Variants in MTUS2 observed in about 807,000 individuals in gnomAD.
MTUS2 encodes microtubule-associated tumor suppressor candidate 2.
Under a neutral mutation model 114.1 loss-of-function variants are expected in MTUS2, and 40 were observed. That is an observed-to-expected ratio of 0.35 (90% CI 0.27 to 0.46). MTUS2 has a LOEUF of 0.46. Among genes scored for constraint, MTUS2 ranks in the 20% least tolerant of loss-of-function variants. The pLI is 1.00. For synonymous variants in MTUS2, 688 were observed against 672.0 expected (o/e 1.02, Z -0.37); for missense variants, 1,679 against 1,705.4 (o/e 0.98, Z 0.27).
intron 6 of MTUS2, among the ~76,000 whole-genome samples, chr13:29,320,046 A>G (rs9578079): frequency 6.6e-6 from 1 of 151,944 alleles, no homozygotes; most frequent in Non-Finnish European, 1.5e-5. Context: ...GAACCTATCA[A>G]TGTTACCTTA....
rs1883132974 is a variant in MTUS2, at chr13:29,504,872, G to A, written c.*1666G>A. 4.3e-6 allele frequency: 1 copy of A among 232,596 alleles called. No homozygotes were observed. The highest frequency in any genetic ancestry group is 2.2e-5 in the African/African-American group (1 of 45,296). 14.4% of individuals were successfully genotyped at this position (232,596 alleles called of 1,614,324 possible). ...GGGGCCGGAGCCATGGAACGGGGAA[G>A]AAAACAGCCCGCGGACGGGGTCGGC... On this transcript the variant is annotated 3_prime_UTR_variant, in exon 16 of 16. Coordinates refer to ENST00000612955, the MANE Select transcript of MTUS2 (RefSeq NM_001033602.4).
intron 1 of MTUS2, among the ~76,000 whole-genome samples, chr13:28,823,252 C>G (rs533544155): frequency 6.6e-6 from 1 of 152,184 alleles, no homozygotes; most frequent in Non-Finnish European, 1.5e-5. Flanking sequence ...ACTCATTCCT[C>G]GAAAATATCC....
intron 5 of MTUS2, among the ~76,000 whole-genome samples, chr13:29,126,186 C>A (rs1300428542): frequency 1.3e-5 from 2 of 151,896 alleles, no homozygotes; most frequent in African/African-American, 4.9e-5. Context: ...CCCTTAACTC[C>A]TGCCCTTTAC....
intron 5 of MTUS2, among the ~76,000 whole-genome samples, chr13:29,221,187 C>T (rs1377021524): frequency 6.6e-6 from 1 of 152,200 alleles, no homozygotes; most frequent in Non-Finnish European, 1.5e-5. Flanking sequence ...GAGAAAATCC[C>T]TCAAAACGTG....
chr13:28,981,020 C>A (rs980917469), intron 2 of MTUS2, among the ~76,000 whole-genome samples: 1 of 152,182 alleles, frequency 6.6e-6, no homozygotes. Flanking sequence ...TAAGACTTTC[C>A]GATTTTTCTC....
Position 29,249,778 on chromosome 13 carries a change from G to A in MTUS2, c.2645-31926G>A, listed in dbSNP as rs9506125. Among the ~76,000 whole-genome samples, 1,057 of 152,054 alleles carry A rather than the reference G, an allele frequency of 7.0e-3. 9 individuals are homozygous for A. Among genetic ancestry groups the A allele is most frequent in the Non-Finnish European group, 0.011 (721 of 67,948 alleles). ...GGTTGCCTGTTCACTCTGATACTAG[G>A]ATTTCCTATTTAATAAATGGTTCTG... is the stretch of plus-strand genomic sequence containing the variant. On this transcript the variant is annotated intron_variant, in intron 5 of 15. Transcript: ENST00000612955.
At chr13:28,867,146 G>A (rs2138087511) in intron 2 of MTUS2, among the ~76,000 whole-genome samples, 1 of 152,278 alleles carries the variant, frequency 6.6e-6, no homozygotes, top group African/African-American at 2.4e-5. Flanking sequence ...CTAATCTTGT[G>A]CAAGAGAGTT....
intron 4 of MTUS2, among the ~76,000 whole-genome samples, chr13:29,049,518 G>A (rs1176929523): frequency 6.6e-6 from 1 of 152,198 alleles, no homozygotes; most frequent in Admixed American, 6.5e-5. Flanking sequence ...GGAATGTCGA[G>A]GACTGTTCTC....
chr13:29,344,470 C>T (rs376205675), intron 7 of MTUS2, among the ~76,000 whole-genome samples: 21 of 152,008 alleles, frequency 1.4e-4, no homozygotes, highest in Non-Finnish European at 2.5e-4. Context: ...ATAGCTACTC[C>T]GGCTCATTTT....
rs147668284 is a variant in MTUS2 at position 29,206,626 on chromosome 13, G to A, written c.2645-75078G>A. On this transcript the variant is annotated intron_variant, in intron 5 of 15. Transcript: ENST00000612955. ...GATCCAGTTTCATTCTTCTGCATGC[G>A]GCTTGCCAGTTATCTCAGCACCATT... Among the ~76,000 whole-genome samples the A allele has an allele frequency of 2.0e-4, 31 of 152,112 alleles. No homozygotes were observed. In the East Asian group the frequency reaches 5.0e-3, roughly 25 times the overall value.
intron 8 of MTUS2, among the ~76,000 whole-genome samples, chr13:29,387,388 A>G (rs1872698239): frequency 6.6e-6 from 1 of 152,164 alleles, no homozygotes; most frequent in Non-Finnish European, 1.5e-5. Flanking sequence ...CCTAAGCAGG[A>G]AGGATGGAGA....
At chr13:29,102,996 G>C (rs900474788) in intron 5 of MTUS2, among the ~76,000 whole-genome samples, 2 of 152,110 alleles carry the variant, frequency 1.3e-5, no homozygotes, top group Non-Finnish European at 2.9e-5. Flanking sequence ...AAGCTTTGCT[G>C]GAGCAAAGCT....
intron 5 of MTUS2, among the ~76,000 whole-genome samples, chr13:29,157,785 T>TAG (rs1892922370): frequency 2.6e-5 from 4 of 152,002 alleles, no homozygotes; most frequent in Non-Finnish European, 4.4e-5. Flanking sequence ...AGGATATATA[T>TAG]ATATAGATAG....
At chr13:29,124,247 T>A (rs1344448472) in intron 5 of MTUS2, among the ~76,000 whole-genome samples, 1 of 152,152 alleles carries the variant, frequency 6.6e-6, no homozygotes, top group Admixed American at 6.5e-5. Context: ...GGTCATAGAT[T>A]AGTGGAGGAG....
chr13:29,470,371 G>A (rs936439609), intron 9 of MTUS2, among the ~76,000 whole-genome samples: 13 of 152,096 alleles, frequency 8.5e-5, no homozygotes, highest in African/African-American at 3.1e-4. Context: ...GTGACCCAGA[G>A]GGGAATTCCA....
At chr13:28,906,945 A>G (rs1009873140) in intron 2 of MTUS2, among the ~76,000 whole-genome samples, 1 of 151,438 alleles carries the variant, frequency 6.6e-6, no homozygotes, top group African/African-American at 2.4e-5. Context: ...CAAGACACAT[A>G]ATTGTCAGAT....
At chr13:29,091,118 T>C (rs1441069624) in intron 4 of MTUS2, among the ~76,000 whole-genome samples, 1 of 151,940 alleles carries the variant, frequency 6.6e-6, no homozygotes, top group African/African-American at 2.4e-5. Flanking sequence ...CCTTCCTCTA[T>C]TGATTCTGGA....
chr13:29,118,117 C>A (rs924439168), intron 5 of MTUS2, among the ~76,000 whole-genome samples: 3 of 152,130 alleles, frequency 2.0e-5, no homozygotes, highest in African/African-American at 7.2e-5. Context: ...CCTGGTTTCT[C>A]ACCCAGGAAA....
At position 29,213,102 on chromosome 13, in the gene MTUS2, C is replaced by T. The variant is rs1418087531; in HGVS notation, c.2645-68602C>T. Among the ~76,000 whole-genome samples, 3 of 152,284 alleles carry T rather than the reference C, an allele frequency of 2.0e-5. No individual in the cohort carries two copies. In the East Asian group the frequency reaches 5.8e-4, roughly 29 times the overall value. On this transcript the variant is annotated intron_variant, in intron 5 of 15. Coordinates refer to ENST00000612955, the MANE Select transcript of MTUS2 (RefSeq NM_001033602.4). ...CTGGGATCAAAACCAAATGTTAGAA[C>T]AAAAGATTCTTCTAGCATCCATATC...
Sources: gnomAD v4.1 joint callset for allele counts (sites outside exome capture counted in the v4.1 genomes callset) on GRCh38, gnomAD v4.1.1 for gene constraint, MANE v1.5 for transcripts, NCBI Gene and HGNC (gene_info 2026-07-23, HGNC 2026-07-21) for gene names.